GLIS3: variants seen among roughly 807,000 people sequenced by gnomAD.
GLIS3 encodes the protein zinc finger protein GLIS3.
A neutral mutation model predicts 78.6 loss-of-function variants in GLIS3; 53 were observed. The observed-to-expected ratio is 0.67, with a 90% CI of 0.54 to 0.85. The LOEUF is 0.85. Among genes scored for constraint, GLIS3 ranks in the 40% least tolerant of loss-of-function variants. The pLI, the probability that GLIS3 is intolerant of heterozygous loss-of-function variation, is 0.00. For synonymous variants in GLIS3, 684 were observed against 509.9 expected (o/e 1.34, Z -4.60); for missense variants, 1,703 against 1,231.1 (o/e 1.38, Z -5.74).
intron 2 of GLIS3, among the ~76,000 whole-genome samples, chr9:4,163,272 G>A (rs929063456): frequency 1.3e-5 from 2 of 150,712 alleles, no homozygotes; most frequent in African/African-American, 2.4e-5. Context: ...ACACACACGC[G>A]CACGCGCGCA....
upstream of GLIS3, among the ~76,000 whole-genome samples, chr9:4,303,966 C>G (rs1183190821): frequency 6.6e-6 from 1 of 152,252 alleles, no homozygotes; most frequent in African/African-American, 2.4e-5. Flanking sequence ...GCCATCTTAT[C>G]TATAACTACC....
rs1265566509 is a variant in GLIS3, at chr9:3,827,030, C to G, written c.*1242G>C. 6.6e-6 allele frequency: 1 copy of G among 152,102 alleles called. No individual in the cohort carries two copies. The highest frequency in any genetic ancestry group is 1.5e-5 in the Non-Finnish European group (1 of 68,038). The allele number at this position is 152,102 out of a possible 1,614,324, so 9.4% of individuals were successfully genotyped here. On this transcript the variant is annotated 3_prime_UTR_variant, in exon 11 of 11. Coordinates refer to ENST00000381971, the MANE Select transcript of GLIS3 (RefSeq NM_001042413.2). Reference sequence around the variant, plus strand: ...AATTCCAGGCCTTCAAACTGGAACTCAGAAAAAGAATTGCCTCTTTCTGTA... The same window carrying G: ...AATTCCAGGCCTTCAAACTGGAACTGAGAAAAAGAATTGCCTCTTTCTGTA...
the GLIS3 span, among the ~76,000 whole-genome samples, chr9:4,361,355 G>C: frequency 6.6e-6 from 1 of 152,144 alleles, no homozygotes; most frequent in Non-Finnish European, 1.5e-5. Context: ...TCTTGCAATT[G>C]CATTAAAGTT....
rs1047953483 is a variant in GLIS3 at position 4,067,291 on chromosome 9, A to G, written c.1710+50477T>C. On this transcript the variant is annotated intron_variant, in intron 4 of 10. Coordinates refer to ENST00000381971, the MANE Select transcript of GLIS3 (RefSeq NM_001042413.2). ...TCACTATATTAAAATTCTTTAATATAAAGTATTATATTCTTTATAAAATTC... is the reference window on the plus strand; with the variant it reads ...TCACTATATTAAAATTCTTTAATATGAAGTATTATATTCTTTATAAAATTC... 2.4e-4 allele frequency among the ~76,000 whole-genome samples: 37 copies of G among 151,834 alleles called. No individual in the cohort carries two copies. The East Asian group carries it at 4.8e-3, about 20-fold the overall frequency.
chr9:4,280,537 C>G (rs955321170), intron 2 of GLIS3, among the ~76,000 whole-genome samples: 17 of 151,920 alleles, frequency 1.1e-4, no homozygotes, highest in Admixed American at 1.1e-3. Context: ...CAGTATAATA[C>G]AACACAAAAC....
chr9:4,027,814 C>G (rs929595491), intron 4 of GLIS3, among the ~76,000 whole-genome samples: 1 of 152,190 alleles, frequency 6.6e-6, no homozygotes, highest in Non-Finnish European at 1.5e-5. Context: ...TAAATGAGAA[C>G]AGACAGCCCC....
intron 4 of GLIS3, among the ~76,000 whole-genome samples, chr9:3,987,266 C>A (rs12238818): frequency 3.0e-3 from 463 of 152,014 alleles, no homozygotes; most frequent in East Asian, 9.5e-3. Context: ...AAAATTTACC[C>A]AATTTCAACA....
intron 4 of GLIS3, among the ~76,000 whole-genome samples, chr9:4,052,347 T>C (rs948782932): frequency 3.3e-5 from 5 of 152,162 alleles, no homozygotes; most frequent in Non-Finnish European, 7.4e-5. Flanking sequence ...CATGTTAACA[T>C]TTACCATTTT....
At chr9:3,848,014 C>T (rs894783906) in intron 9 of GLIS3, among the ~76,000 whole-genome samples, 3 of 152,204 alleles carry the variant, frequency 2.0e-5, no homozygotes, top group African/African-American at 7.2e-5. Flanking sequence ...CAACTTTCTC[C>T]ATGAAATCTA....
At chr9:4,392,442 G>A in the GLIS3 span, among the ~76,000 whole-genome samples, 2 of 152,022 alleles carry the variant, frequency 1.3e-5, no homozygotes, top group Non-Finnish European at 2.9e-5. Flanking sequence ...TCTTTCCCAG[G>A]GGATCTTAGG....
the GLIS3 span, among the ~76,000 whole-genome samples, chr9:4,370,228 A>G: frequency 6.6e-6 from 1 of 151,622 alleles, no homozygotes; most frequent in African/African-American, 2.4e-5. Context: ...AAAACAATAT[A>G]ACCAAAAGTT....
chr9:4,158,295 T>C (rs1835193467), intron 2 of GLIS3, among the ~76,000 whole-genome samples: 1 of 152,192 alleles, frequency 6.6e-6, no homozygotes, highest in Admixed American at 6.5e-5. Flanking sequence ...ACGTTTTCAG[T>C]AAACACATGT....
intron 2 of GLIS3, among the ~76,000 whole-genome samples, chr9:4,219,734 G>GTGGTTTAAAAAAACCACAAAT (rs1821154998): frequency 1.3e-5 from 2 of 152,284 alleles, no homozygotes; most frequent in South Asian, 4.1e-4. Flanking sequence ...TAGTGCAACT[G>GTGGTTTAAAAAAACCACAAAT]AGCTGGGAGG....
chr9:4,296,572 C>T (rs1816524231), intron 1 of GLIS3, among the ~76,000 whole-genome samples: 1 of 152,118 alleles, frequency 6.6e-6, no homozygotes, highest in African/African-American at 2.4e-5. Context: ...CCTCTGATAA[C>T]CTGCCTACTA....
At chr9:4,312,874 C>G (rs1292607107) in intron 2 of GLIS3, among the ~76,000 whole-genome samples, 1 of 152,208 alleles carries the variant, frequency 6.6e-6, no homozygotes, top group East Asian at 1.9e-4. Context: ...TCAGGCCAGG[C>G]ATGTTACATA....
At chr9:4,330,576 G>A (rs766842347) in intron 2 of GLIS3, among the ~76,000 whole-genome samples, 14 of 150,604 alleles carry the variant, frequency 9.3e-5, no homozygotes, top group Non-Finnish European at 1.9e-4. Context: ...GATGAAGAGA[G>A]GTGGAGGTGA....
At chr9:4,480,197 T>C in the GLIS3 span, among the ~76,000 whole-genome samples, 8 of 136,896 alleles carry the variant, frequency 5.8e-5, no homozygotes, top group African/African-American at 9.6e-5. Context: ...CAGGCTGGGC[T>C]TTCTTTTTTT....
chr9:4,250,436 G>A (rs1455646989), intron 2 of GLIS3, among the ~76,000 whole-genome samples: 1 of 152,142 alleles, frequency 6.6e-6, no homozygotes, highest in Non-Finnish European at 1.5e-5. Context: ...ATGGTACTTT[G>A]TATTTCTGTG....
At chr9:4,289,162 C>G (rs1214459666) in intron 1 of GLIS3, among the ~76,000 whole-genome samples, 2 of 152,132 alleles carry the variant, frequency 1.3e-5, no homozygotes, top group East Asian at 3.8e-4. Context: ...CTACTTCTGA[C>G]AAATCATTTA....
Sources: gnomAD v4.1 joint callset for allele counts (sites outside exome capture counted in the v4.1 genomes callset) on GRCh38, gnomAD v4.1.1 for gene constraint, MANE v1.5 for transcripts, NCBI Gene and HGNC (gene_info 2026-07-23, HGNC 2026-07-21) for gene names.